LRIG1: variants seen among roughly 807,000 people sequenced by gnomAD.
The protein encoded by LRIG1 is leucine rich repeats and immunoglobulin like domains 1.
Under a neutral mutation model 99.2 loss-of-function variants are expected in LRIG1, and 48 were observed. The ratio of observed to expected loss-of-function variants is 0.48; its 90% CI spans 0.38 to 0.62. LRIG1 has a LOEUF of 0.62. Among genes scored for constraint, LRIG1 ranks in the 20% least tolerant of loss-of-function variants. The probability of loss-of-function intolerance (pLI) is 0.00; values close to 1 mark genes in which losing one functional copy is unlikely to be tolerated. For missense variants in LRIG1, 1,646 were observed against 1,434.4 expected, an observed-to-expected ratio of 1.15 and a Z score of -2.38; for synonymous variants, 772 against 596.1, an observed-to-expected ratio of 1.29 and a Z score of -4.30.
intron 1 of LRIG1, among the ~76,000 whole-genome samples, chr3:66,488,681 G>A (rs1487661890): frequency 2.0e-5 from 3 of 152,206 alleles, no homozygotes; most frequent in African/African-American, 7.2e-5. Flanking sequence ...TTAATTGGCT[G>A]AGTTTCTATC....
At chr3:66,381,056 G>C in intron 17 of LRIG1, 195 bp from the exon 18 acceptor site, 1 of 615,606 alleles carries the variant, frequency 1.6e-6, no homozygotes, top group Non-Finnish European at 2.8e-6. Flanking sequence ...ATGAACTGTG[G>C]GGTCTTTCGT....
chr3:66,474,037 G>A (rs2106874750), intron 1 of LRIG1, among the ~76,000 whole-genome samples: 1 of 152,278 alleles, frequency 6.6e-6, no homozygotes, highest in Non-Finnish European at 1.5e-5. Context: ...CCTGGTTCTG[G>A]TTGTTGAAAT....
Position 66,417,227 on chromosome 3 carries a change from C to G in LRIG1, c.405G>C (p.Leu135=), listed in dbSNP as rs747526571. The part of the protein sequence containing the change: ...NKIRSVEGSQ[L]KAYLSLEVLD... The stretch of plus-strand genomic sequence containing the variant: ...ACACTTCTAAGGAAAGGTAGGCCTT[C>G]AGCTGGCTCCCCTCCACGCTGCGAA... The change falls in exon 4 of 19, where the codon CTG becomes CTC. Residue 135 remains leucine (L), a synonymous_variant. Transcript: ENST00000273261. The G allele has an allele frequency of 2.2e-4, 348 of 1,614,070 alleles. No individual in the cohort carries two copies. Among genetic ancestry groups the G allele is most frequent in the Admixed American group, 6.7e-4 (40 of 60,004 alleles).
chr3:66,476,616 G>C (rs1013306733), intron 1 of LRIG1, among the ~76,000 whole-genome samples: 1 of 152,072 alleles, frequency 6.6e-6, no homozygotes, highest in Non-Finnish European at 1.5e-5. Flanking sequence ...CTCTTCCTGC[G>C]AGACACACTG....
rs1325416509 is a variant in LRIG1, at chr3:66,407,413, G to A, written c.1014C>T (p.Leu338=). The A allele has an allele frequency of 6.2e-7, 1 of 1,614,094 alleles. No individual in the cohort carries two copies. Among genetic ancestry groups the A allele is most frequent in the South Asian group, 1.1e-5 (1 of 91,086 alleles). Residue 338 remains leucine (L), a synonymous_variant, in exon 8 of 19, where the codon CTC becomes CTT. Transcript: ENST00000273261. ...AELSSLSVLR[L]SHNSISHIAE... is the part of the protein sequence containing the mutation. Reference sequence around the variant, plus strand: ...CAATGTGGCTGATGGAATTGTGGCTGAGACGCAGGACACTCAGGCTGCTCA... The same window carrying A: ...CAATGTGGCTGATGGAATTGTGGCTAAGACGCAGGACACTCAGGCTGCTCA...
Position 66,500,597 on chromosome 3 carries a change from G to A in LRIG1, c.-190C>T, listed in dbSNP as rs1461267593. 4 of 354,078 alleles carry A rather than the reference G, an allele frequency of 1.1e-5. No homozygotes were observed. The South Asian group carries it at 4.2e-4, about 38-fold the overall frequency. The allele number at this position is 354,078 out of a possible 1,614,324, so 21.9% of individuals were successfully genotyped here. On this transcript the variant is annotated 5_prime_UTR_variant, in exon 1 of 19. Coordinates refer to ENST00000273261, the MANE Select transcript of LRIG1 (RefSeq NM_015541.3). ...TGCCCCCGGTGCCCGGGCCGCTCCG[G>A]AGCACCCGGCGGGGGCCGCAAACCC...
At chr3:66,425,846 T>C (rs1385217299) in intron 3 of LRIG1, among the ~76,000 whole-genome samples, 1 of 152,218 alleles carries the variant, frequency 6.6e-6, no homozygotes, top group Non-Finnish European at 1.5e-5. Flanking sequence ...GCTTCAAAAA[T>C]AAAATCAGTC....
intron 2 of LRIG1, among the ~76,000 whole-genome samples, chr3:66,454,704 G>A (rs563107309): frequency 6.6e-6 from 1 of 152,264 alleles, no homozygotes; most frequent in South Asian, 2.1e-4. Flanking sequence ...AAGGTAAAAG[G>A]ATTCCGGACC....
chr3:66,416,314 G>C, intron 4 of LRIG1, among the ~76,000 whole-genome samples: 1 of 152,162 alleles, frequency 6.6e-6, no homozygotes, highest in East Asian at 1.9e-4. Flanking sequence ...TATTTACTTG[G>C]AAAATCCATG....
rs537028337 is a variant in LRIG1, at chr3:66,463,396, C to T, written c.219-887G>A. 3.9e-5 allele frequency among the ~76,000 whole-genome samples: 6 copies of T among 152,330 alleles called. No individual in the cohort carries two copies. The South Asian group carries it at 1.2e-3, about 32-fold the overall frequency. On this transcript the variant is annotated intron_variant, in intron 1 of 18. Coordinates refer to ENST00000273261, the MANE Select transcript of LRIG1 (RefSeq NM_015541.3). ...TTAACCACAGGCAGGGAAAGCCTCA[C>T]ATGAGCAGCTTTCTCAAGATGATGG...
At chr3:66,467,454 G>T (rs1700500205) in intron 1 of LRIG1, among the ~76,000 whole-genome samples, 1 of 151,410 alleles carries the variant, frequency 6.6e-6, no homozygotes, top group Non-Finnish European at 1.5e-5. Flanking sequence ...CCGTCTCCTG[G>T]GTTCACACCA....
intron 3 of LRIG1, among the ~76,000 whole-genome samples, chr3:66,437,156 G>A (rs1253195193): frequency 6.6e-6 from 1 of 152,222 alleles, no homozygotes; most frequent in Non-Finnish European, 1.5e-5. Flanking sequence ...TGGGCTGGAC[G>A]CCTGCAGGGA....
chr3:66,411,791 C>T (rs572688708), intron 6 of LRIG1, among the ~76,000 whole-genome samples: 20 of 152,198 alleles, frequency 1.3e-4, no homozygotes, highest in African/African-American at 4.8e-4. Context: ...AGGAGGAAAT[C>T]GCAAGTGGAT....
intron 1 of LRIG1, among the ~76,000 whole-genome samples, chr3:66,474,024 T>C (rs1279587408): frequency 6.6e-6 from 1 of 152,226 alleles, no homozygotes; most frequent in Non-Finnish European, 1.5e-5. Flanking sequence ...CAGTGATGAT[T>C]TCCCTGGTTC....
intron 1 of LRIG1, among the ~76,000 whole-genome samples, chr3:66,464,834 G>A (rs1405209048): frequency 6.6e-6 from 1 of 152,154 alleles, no homozygotes; most frequent in African/African-American, 2.4e-5. Context: ...TTAAAGAGCA[G>A]ACAAAATGTA....
intron 1 of LRIG1, among the ~76,000 whole-genome samples, chr3:66,467,165 C>A (rs557461112): frequency 6.6e-6 from 1 of 152,196 alleles, no homozygotes; most frequent in Non-Finnish European, 1.5e-5. Flanking sequence ...TCGCTGAGCA[C>A]GTTTCCTAAC....
At chr3:66,398,843 G>A (rs1041262501) in intron 10 of LRIG1, 127 bp downstream of exon 10, 24 of 740,890 alleles carry the variant, frequency 3.2e-5, no homozygotes, top group Non-Finnish European at 5.1e-5. Context: ...TAATGAGAAG[G>A]AAGCAGCTGG....
chr3:66,440,016 AAG>A (rs1251751728), intron 3 of LRIG1, among the ~76,000 whole-genome samples: 7 of 145,938 alleles, frequency 4.8e-5, no homozygotes, highest in East Asian at 1.9e-4. Flanking sequence ...GTGAGAAAGA[AAG>A]AGGGGGAAAA....
intron 3 of LRIG1, among the ~76,000 whole-genome samples, chr3:66,439,389 T>C (rs1240081819): frequency 6.6e-6 from 1 of 152,232 alleles, no homozygotes; most frequent in African/African-American, 2.4e-5. Context: ...GGGAATTTTT[T>C]TTCTCATTTC....
Sources: gnomAD v4.1 joint callset for allele counts (sites outside exome capture counted in the v4.1 genomes callset) on GRCh38, gnomAD v4.1.1 for gene constraint, MANE v1.5 for transcripts, NCBI Gene and HGNC (gene_info 2026-07-23, HGNC 2026-07-21) for gene names.